Variants in PACRG observed in about 807,000 individuals in gnomAD.
PACRG encodes parkin coregulated, also known as parkin coregulated gene protein.
PACRG carries 29 observed loss-of-function variants against 29.7 expected under a neutral mutation model. The ratio of observed to expected loss-of-function variants is 0.98; its 90% CI spans 0.73 to 1.33. The LOEUF is 1.33. Ranked by LOEUF, PACRG falls within the 40% of genes most tolerant of loss-of-function variation. The pLI is 0.00. For missense variants in PACRG, 279 were observed against 316.2 expected, an observed-to-expected ratio of 0.88 and a Z score of 0.89; for synonymous variants, 116 against 118.7, an observed-to-expected ratio of 0.98 and a Z score of 0.15.
chr6:162,999,395 T>C (rs4709669), intron 2 of PACRG, among the ~76,000 whole-genome samples: 79,797 of 152,118 alleles, frequency 0.52, 23,233 homozygotes, highest in African/African-American at 0.78. Context: ...TATGTGCAAG[T>C]TGTTTACTGG....
At chr6:163,248,764 C>A (rs1047753788) in intron 4 of PACRG, among the ~76,000 whole-genome samples, 1 of 152,076 alleles carries the variant, frequency 6.6e-6, no homozygotes, top group African/African-American at 2.4e-5. Context: ...CCACTTAAGA[C>A]GAAGCTGAGG....
At chr6:162,895,011 C>T (rs1795055354) in intron 2 of PACRG, among the ~76,000 whole-genome samples, 1 of 151,978 alleles carries the variant, frequency 6.6e-6, no homozygotes, top group South Asian at 2.1e-4. Context: ...ATAAGCTACC[C>T]CATCAAACCA....
intron 2 of PACRG, among the ~76,000 whole-genome samples, chr6:162,883,613 G>A (rs1356917925): frequency 6.6e-6 from 1 of 151,870 alleles, no homozygotes; most frequent in Non-Finnish European, 1.5e-5. Context: ...GGCAAGTCCA[G>A]TACATATGAT....
At chr6:162,881,964 G>GGGC (rs754404776) in intron 2 of PACRG, among the ~76,000 whole-genome samples, 1 of 131,346 alleles carries the variant, frequency 7.6e-6, no homozygotes, top group Non-Finnish European at 1.6e-5. Context: ...AGATGGGTGG[G>GGGC]GGGGGGCACT....
intron 2 of PACRG, among the ~76,000 whole-genome samples, chr6:162,890,311 T>A (rs2128038028): frequency 6.6e-6 from 1 of 152,304 alleles, no homozygotes; most frequent in South Asian, 2.1e-4. Context: ...GGAAGAAACC[T>A]TATGATATGA....
At chr6:162,817,024 C>T (rs1787413863) in intron 2 of PACRG, among the ~76,000 whole-genome samples, 1 of 152,126 alleles carries the variant, frequency 6.6e-6, no homozygotes, top group Admixed American at 6.6e-5. Context: ...CTAGAGACTC[C>T]AAGTGGACTT....
At chr6:163,069,644 AGC>A (rs4056102) in intron 3 of PACRG, among the ~76,000 whole-genome samples, 78,166 of 151,824 alleles carry the variant, frequency 0.51, 23,630 homozygotes, top group East Asian at 0.96. Flanking sequence ...AAAATAATGA[AGC>A]GCACACTTAC....
chr6:163,267,649 T>G (rs1585384434), intron 4 of PACRG, among the ~76,000 whole-genome samples: 1 of 152,214 alleles, frequency 6.6e-6, no homozygotes, highest in East Asian at 1.9e-4. Flanking sequence ...TGCATATCAA[T>G]TCTATGTATA....
intron 3 of PACRG, among the ~76,000 whole-genome samples, chr6:163,065,259 G>T (rs1272794392): frequency 6.6e-6 from 1 of 152,178 alleles, no homozygotes; most frequent in Non-Finnish European, 1.5e-5. Flanking sequence ...TGGTGATGGA[G>T]CATTGATTGC....
chr6:162,734,158 G>T (rs1779983118), intron 1 of PACRG, among the ~76,000 whole-genome samples: 1 of 152,102 alleles, frequency 6.6e-6, no homozygotes, highest in Non-Finnish European at 1.5e-5. Flanking sequence ...ATGTTATATA[G>T]ATATTAAATC....
At chr6:162,769,491 G>A (rs967286068) in intron 1 of PACRG, among the ~76,000 whole-genome samples, 17 of 152,020 alleles carry the variant, frequency 1.1e-4, no homozygotes, top group African/African-American at 4.1e-4. Context: ...CTTAGGCATA[G>A]GGCTCAGCTT....
At chr6:162,733,355 A>G (rs1296773039) in intron 1 of PACRG, among the ~76,000 whole-genome samples, 1 of 152,226 alleles carries the variant, frequency 6.6e-6, no homozygotes, top group African/African-American at 2.4e-5. Flanking sequence ...CATCTAAGTC[A>G]CTTTTTAATC....
Position 163,123,435 on chromosome 6 carries a change from G to C in PACRG, c.613+34027G>C, listed in dbSNP as rs80334125. On this transcript the variant is annotated intron_variant, in intron 4 of 4. Coordinates refer to ENST00000366888, the MANE Select transcript of PACRG (RefSeq NM_001080379.2). The stretch of plus-strand genomic sequence containing the variant: ...CTTTCTGTTAGAAAGGAAATGGTTT[G>C]GGGGGTCGCTTTTTATTATAGGAAA... Among the ~76,000 whole-genome samples, 6 of 152,128 alleles carry C rather than the reference G, an allele frequency of 3.9e-5. No individual in the cohort carries two copies. In the South Asian group the frequency reaches 1.2e-3, roughly 32 times the overall value.
chr6:163,046,300 C>T (rs905417032), intron 2 of PACRG, among the ~76,000 whole-genome samples: 7 of 150,964 alleles, frequency 4.6e-5, no homozygotes, highest in African/African-American at 1.7e-4. Flanking sequence ...TCTCCTTTCT[C>T]TTAACCAGAG....
At chr6:163,226,619 T>A (rs776158948) in intron 4 of PACRG, among the ~76,000 whole-genome samples, 3 of 152,194 alleles carry the variant, frequency 2.0e-5, no homozygotes, top group Non-Finnish European at 2.9e-5. Flanking sequence ...TCTGTGCCTA[T>A]ACATTAGCCA....
At chr6:163,275,448 T>C (rs1783990882) in intron 4 of PACRG, among the ~76,000 whole-genome samples, 1 of 152,208 alleles carries the variant, frequency 6.6e-6, no homozygotes, top group African/African-American at 2.4e-5. Flanking sequence ...CTGAGTATTG[T>C]CCTCTAGTCA....
Position 162,884,288 on chromosome 6 carries a change from A to G in PACRG, c.291+70007A>G, listed in dbSNP as rs374848529. Among the ~76,000 whole-genome samples, 16 of 152,282 alleles carry G rather than the reference A, an allele frequency of 1.1e-4. No individual in the cohort carries two copies. The South Asian group carries it at 2.3e-3, about 22-fold the overall frequency. ...TATTTCTAGGCTAGAAGGTTCATCTATAAGTTTTTTCAAACTGTAACAAAT... is the reference window on the plus strand; with the variant it reads ...TATTTCTAGGCTAGAAGGTTCATCTGTAAGTTTTTTCAAACTGTAACAAAT... On this transcript the variant is annotated intron_variant, in intron 2 of 4. Transcript: ENST00000366888.
intron 2 of PACRG, among the ~76,000 whole-genome samples, chr6:162,903,368 G>T (rs1356802098): frequency 6.6e-6 from 1 of 152,130 alleles, no homozygotes; most frequent in African/African-American, 2.4e-5. Context: ...GAATGTATTA[G>T]TCTGTTTTCA....
intron 2 of PACRG, among the ~76,000 whole-genome samples, chr6:162,851,996 G>GAA (rs1374368278): frequency 2.1e-4 from 22 of 104,998 alleles, no homozygotes; most frequent in Non-Finnish European, 2.4e-4. Context: ...AGGGAGGGAG[G>GAA]GAGGGAGGGA....
Sources: allele counts gnomAD v4.1 joint callset (sites outside exome capture counted in the v4.1 genomes callset), GRCh38; gene constraint gnomAD v4.1.1; transcripts MANE v1.5; gene names NCBI Gene and HGNC (gene_info 2026-07-23, HGNC 2026-07-21).